Variants in NIM1K observed in about 807,000 individuals in gnomAD.
NIM1K encodes serine/threonine-protein kinase NIM1.
A neutral mutation model predicts 37.1 loss-of-function variants in NIM1K; 35 were observed. The ratio of observed to expected loss-of-function variants is 0.94; its 90% CI spans 0.72 to 1.25. The LOEUF is 1.25. NIM1K is among the 50% of genes most tolerant of loss of function. The pLI, the probability that NIM1K is intolerant of heterozygous loss-of-function variation, is 0.00. For synonymous variants in NIM1K, 234 were observed against 206.6 expected (o/e 1.13, Z -1.14); for missense variants, 564 against 548.0 (o/e 1.03, Z -0.29).
rs374936168 is a variant in NIM1K at position 43,194,535 on chromosome 5, C to T, written c.-695+2124C>T. Among the ~76,000 whole-genome samples the T allele has an allele frequency of 4.6e-5, 7 of 152,292 alleles. No homozygotes were observed. The East Asian group carries it at 1.2e-3, about 25-fold the overall frequency. On this transcript the variant is annotated intron_variant, in intron 1 of 3. Coordinates refer to ENST00000326035, the MANE Select transcript of NIM1K (RefSeq NM_153361.4). Reference sequence around the variant, plus strand: ...AATCTGAATTCCCCAGTAATAACTACAGATAGGTTATAGAGCCCTTTATAT... The same window carrying T: ...AATCTGAATTCCCCAGTAATAACTATAGATAGGTTATAGAGCCCTTTATAT...
intron 2 of NIM1K, among the ~76,000 whole-genome samples, chr5:43,276,705 T>TG (rs986217068): frequency 1.1e-4 from 17 of 152,300 alleles, no homozygotes; most frequent in African/African-American, 3.8e-4. Context: ...GAAGGGTGCA[T>TG]GGGGCATTGG....
At chr5:43,241,632 C>T (rs1181665781) in intron 1 of NIM1K, among the ~76,000 whole-genome samples, 1 of 151,868 alleles carries the variant, frequency 6.6e-6, no homozygotes, top group East Asian at 1.9e-4. Context: ...GCCACCGTGC[C>T]TGGCTGGATA....
Position 43,280,795 on chromosome 5 carries a change from A to G in NIM1K, c.*66A>G. Reference sequence around the variant, plus strand: ...CTGCTTCTAAATTTTTTTCAAGGACAACTTGAGTGGAGACATTTTTGTAAT... The same window carrying G: ...CTGCTTCTAAATTTTTTTCAAGGACGACTTGAGTGGAGACATTTTTGTAAT... On this transcript the variant is annotated 3_prime_UTR_variant, in exon 4 of 4. Coordinates refer to ENST00000326035, the MANE Select transcript of NIM1K (RefSeq NM_153361.4). The G allele has an allele frequency of 7.1e-7, 1 of 1,402,838 alleles. No homozygotes were observed. Among genetic ancestry groups the G allele is most frequent in the Non-Finnish European group, 9.6e-7 (1 of 1,044,800 alleles). The allele number at this position is 1,402,838 out of a possible 1,614,324, so 86.9% of individuals were successfully genotyped here. A position where few individuals can be genotyped will look rare whatever the true frequency, so the allele number is the denominator to read the frequency against.
intron 1 of NIM1K, among the ~76,000 whole-genome samples, chr5:43,208,927 A>G (rs1752159004): frequency 6.6e-6 from 1 of 152,202 alleles, no homozygotes; most frequent in African/African-American, 2.4e-5. Context: ...AAACATAAAG[A>G]AGGCAAGGAG....
chr5:43,265,281 T>C (rs969043795), intron 2 of NIM1K, among the ~76,000 whole-genome samples: 10 of 152,338 alleles, frequency 6.6e-5, no homozygotes, highest in Middle Eastern at 6.8e-3. Context: ...GGTCTTTTCA[T>C]ATAGTCCCAT....
At chr5:43,219,847 C>T (rs1029919110) in intron 1 of NIM1K, among the ~76,000 whole-genome samples, 7 of 151,946 alleles carry the variant, frequency 4.6e-5, no homozygotes, top group African/African-American at 1.7e-4. Context: ...CTCAGCCGCC[C>T]GAGTGAGTAG....
At chr5:43,232,774 T>G in intron 1 of NIM1K, 3 of 1,099,034 alleles carry the variant, frequency 2.7e-6, no homozygotes, top group Non-Finnish European at 4.1e-6. Flanking sequence ...CAAGAAGCCT[T>G]GGCGATCCAT....
chr5:43,231,349 T>A (rs191063295), intron 1 of NIM1K, among the ~76,000 whole-genome samples: 30 of 152,278 alleles, frequency 2.0e-4, no homozygotes, highest in East Asian at 1.2e-3. Context: ...TATATCTATA[T>A]TTATAAATGT....
intron 1 of NIM1K, among the ~76,000 whole-genome samples, chr5:43,209,387 G>T (rs1031210609): frequency 1.3e-5 from 2 of 152,196 alleles, no homozygotes; most frequent in Non-Finnish European, 2.9e-5. Context: ...AGGTGCTCTG[G>T]TTTAGGGGCA....
chr5:43,232,244 C>A, intron 1 of NIM1K: 1 of 1,064,752 alleles, frequency 9.4e-7, no homozygotes, highest in Non-Finnish European at 1.4e-6. Context: ...CATGTATTTA[C>A]CATGGCAAGG....
At chr5:43,250,628 A>G (rs760499842) in intron 2 of NIM1K, among the ~76,000 whole-genome samples, 2 of 152,224 alleles carry the variant, frequency 1.3e-5, no homozygotes, top group Non-Finnish European at 2.9e-5. Context: ...TAGAGCCAGC[A>G]TGAAAGACAA....
At chr5:43,266,267 ACCCAGTTTGAGCTT>A (rs1404575748) in intron 2 of NIM1K, among the ~76,000 whole-genome samples, 3 of 152,150 alleles carry the variant, frequency 2.0e-5, no homozygotes, top group Non-Finnish European at 4.4e-5. Flanking sequence ...GGGGGGCTCC[ACCCAGTTTGAGCTT>A]CCCAGCTGCT....
At chr5:43,243,379 C>T (rs1290167404) in intron 1 of NIM1K, among the ~76,000 whole-genome samples, 1 of 151,982 alleles carries the variant, frequency 6.6e-6, no homozygotes. Flanking sequence ...ACTTGACCTT[C>T]ACAGAGATTC....
intron 1 of NIM1K, among the ~76,000 whole-genome samples, chr5:43,199,204 AAT>A (rs1162677436): frequency 5.3e-5 from 5 of 94,066 alleles, no homozygotes; most frequent in African/African-American, 1.9e-4. Context: ...AAAAAAAAAA[AAT>A]ATATATATAT....
chr5:43,249,361 C>G (rs1365671450), intron 2 of NIM1K, among the ~76,000 whole-genome samples: 1 of 152,150 alleles, frequency 6.6e-6, no homozygotes, highest in Non-Finnish European at 1.5e-5. Context: ...AGCCACCGTG[C>G]CCGGCCCTTA....
chr5:43,222,923 G>C (rs182771055), intron 1 of NIM1K, among the ~76,000 whole-genome samples: 412 of 151,926 alleles, frequency 2.7e-3, no homozygotes, highest in Non-Finnish European at 4.9e-3. Context: ...GGCAGATCAC[G>C]AGGTCAGGAG....
intron 2 of NIM1K, among the ~76,000 whole-genome samples, chr5:43,269,074 T>C (rs113018785): frequency 0.032 from 4,859 of 152,008 alleles, 287 homozygotes; most frequent in African/African-American, 0.11. Flanking sequence ...TTTGGGAGGC[T>C]GAGGCAGGTA....
intron 1 of NIM1K, among the ~76,000 whole-genome samples, chr5:43,213,773 G>A (rs112076692): frequency 0.15 from 22,069 of 152,048 alleles, 1,891 homozygotes; most frequent in Middle Eastern, 0.23. Flanking sequence ...TGGGATTACA[G>A]GTGTGAGCCA....
intron 1 of NIM1K, chr5:43,232,605 G>A (rs1192921720): frequency 1.3e-5 from 21 of 1,564,238 alleles, no homozygotes; most frequent in Non-Finnish European, 1.8e-5. Context: ...TGTGGGAGGT[G>A]AGGATGGAGT....
Sources: gnomAD v4.1 joint callset for allele counts (sites outside exome capture counted in the v4.1 genomes callset) on GRCh38, gnomAD v4.1.1 for gene constraint, MANE v1.5 for transcripts, NCBI Gene and HGNC (gene_info 2026-07-23, HGNC 2026-07-21) for gene names.